The following NRDE2 variants were observed in gnomAD, a reference collection of about 807,000 sequenced individuals.
NRDE2 encodes NRDE-2, necessary for RNA interference, domain containing.
A neutral mutation model predicts 124.2 loss-of-function variants in NRDE2; 76 were observed. That is an observed-to-expected ratio of 0.61 (90% CI 0.51 to 0.74). The LOEUF (loss-of-function observed/expected upper bound fraction) is 0.74, where lower values mean the gene tolerates loss of function less well. Among genes scored for constraint, NRDE2 ranks in the 30% least tolerant of loss-of-function variants. The pLI is 0.00. For missense variants in NRDE2, 1,314 were observed against 1,417.3 expected (o/e 0.93, Z 1.17); for synonymous variants, 489 against 528.1 (o/e 0.93, Z 1.01).
intron 6 of NRDE2, chr14:90,301,642 G>A: frequency 2.2e-6 from 1 of 447,606 alleles, no homozygotes. Flanking sequence ...TAAGTCAAGA[G>A]GTTGGTCTGA....
chr14:90,319,932 G>A (rs1885183148), intron 1 of NRDE2, among the ~76,000 whole-genome samples: 1 of 152,194 alleles, frequency 6.6e-6, no homozygotes. Flanking sequence ...TACCATTTTA[G>A]ATTCCCAATA....
In NRDE2 at chr14:90,302,738, T is replaced by C; in HGVS notation, c.1393A>G (p.Thr465Ala). Residue 465 changes from threonine (T) to alanine (A), a missense_variant, in exon 6 of 14, where the codon ACG (threonine) becomes GCG (alanine). Coordinates refer to ENST00000354366, the MANE Select transcript of NRDE2 (RefSeq NM_017970.4). ...TCCTTACCAAACATGGCCTCTTCCGTGCCAGGCAACGCAGGGTGAGATAAG... is the reference window on the plus strand; with the variant it reads ...TCCTTACCAAACATGGCCTCTTCCGCGCCAGGCAACGCAGGGTGAGATAAG... ...SILSHPALPGTEEAMFALFLQ... is the reference protein window; with the variant it reads ...SILSHPALPGAEEAMFALFLQ... 1 of 1,610,380 alleles carries C rather than the reference T, an allele frequency of 6.2e-7. No individual in the cohort carries two copies. Among genetic ancestry groups the C allele is most frequent in the Non-Finnish European group, 8.5e-7 (1 of 1,177,792 alleles).
rs1401375991 is a variant in NRDE2, at chr14:90,274,832, A to ACT, written c.*3503_*3504insAG. 1 of 64,610 alleles carries ACT rather than the reference A, an allele frequency of 1.5e-5. No individual in the cohort carries two copies. The highest frequency in any genetic ancestry group is 3.3e-5 in the Non-Finnish European group (1 of 30,176). The allele number at this position is 64,610 out of a possible 1,614,324, so 4.0% of individuals were successfully genotyped here. On this transcript the variant is annotated 3_prime_UTR_variant, in exon 14 of 14. Transcript: ENST00000354366. ...CACACACACACACACACACACACAC[A>ACT]CACACACCCCAATACATATGAATTG... is the stretch of plus-strand genomic sequence containing the variant.
chr14:90,327,984 A>AT (rs1272991377), intron 1 of NRDE2, among the ~76,000 whole-genome samples: 2 of 152,174 alleles, frequency 1.3e-5, no homozygotes. Context: ...TCTACTAAAA[A>AT]TATAAAAAAT....
chr14:90,280,431 G>A (rs1891922403), intron 12 of NRDE2: 1 of 152,250 alleles, frequency 6.6e-6, no homozygotes, highest in African/African-American at 2.4e-5. Context: ...AAGAGCCACT[G>A]AGCGCTGTCC....
intron 8 of NRDE2, among the ~76,000 whole-genome samples, chr14:90,294,556 C>A (rs755552018): frequency 6.6e-6 from 1 of 152,156 alleles, no homozygotes; most frequent in Admixed American, 6.5e-5. Flanking sequence ...CCTGACGACA[C>A]TACGCTAAGC....
At chr14:90,323,406 C>T (rs1885310527) in intron 1 of NRDE2, among the ~76,000 whole-genome samples, 7 of 152,168 alleles carry the variant, frequency 4.6e-5, no homozygotes, top group Admixed American at 4.6e-4. Flanking sequence ...CCAAGTTCTA[C>T]ATCCATTCCC....
In NRDE2 at chr14:90,268,598, G is replaced by C; in HGVS notation, c.*9738C>G. On this transcript the variant is annotated 3_prime_UTR_variant, in exon 14 of 14. Coordinates refer to ENST00000354366, the MANE Select transcript of NRDE2 (RefSeq NM_017970.4). ...TAACAACTGCCCAGTAACTGTGAAC[G>C]TCTGGAGAGATTGGTCAGTTATGAA... 2 of 602,600 alleles carry C rather than the reference G, an allele frequency of 3.3e-6. No homozygotes were observed. The highest frequency in any genetic ancestry group is 4.1e-5 in the South Asian group (2 of 48,390). The allele number at this position is 602,600 out of a possible 1,614,324, so 37.3% of individuals were successfully genotyped here.
chr14:90,331,644 T>TAC (rs1885702908), intron 1 of NRDE2, among the ~76,000 whole-genome samples, 197 bp downstream of exon 1: 1 of 152,208 alleles, frequency 6.6e-6, no homozygotes. Context: ...TCCATAACTC[T>TAC]ACAACCTTGG....
rs1007856923 is a variant in NRDE2, at chr14:90,272,318, A to G, written c.*6018T>C. ...TCTGATGGCCTTAAGAGAACGTAGA[A>G]TGAAAGTAACAAATGAAGACTTCAA... On this transcript the variant is annotated 3_prime_UTR_variant, in exon 14 of 14. Coordinates refer to ENST00000354366, the MANE Select transcript of NRDE2 (RefSeq NM_017970.4). This position sits in a 1 kb window ranked among gnomAD's most constrained non-coding sequence, Gnocchi z 4.5. The G allele has an allele frequency of 6.2e-7, 1 of 1,604,832 alleles. No homozygotes were observed. Among genetic ancestry groups the G allele is most frequent in the African/African-American group, 1.3e-5 (1 of 74,332 alleles).
Position 90,268,464 on chromosome 14 carries a change from G to C in NRDE2, c.*9872C>G. The C allele has an allele frequency of 6.4e-7, 1 of 1,564,910 alleles. No individual in the cohort carries two copies. Among genetic ancestry groups the C allele is most frequent in the East Asian group, 2.2e-5 (1 of 44,490 alleles). On this transcript the variant is annotated 3_prime_UTR_variant, in exon 14 of 14. Transcript: ENST00000354366. Reference sequence around the variant, plus strand: ...CTTGTTTAGTAGGGAACACCGCATAGCTCTTCTCTTGAGAATGAGCAATCT... The same window carrying C: ...CTTGTTTAGTAGGGAACACCGCATACCTCTTCTCTTGAGAATGAGCAATCT...
In NRDE2 at chr14:90,268,240, C is replaced by T. The variant is rs1420219950; in HGVS notation, c.*10096G>A. ...CCAAAATAGGTAAAACCTTGTTAGCCAAAGCAGTAGCAAACCAAACCTCAG... is the reference window on the plus strand; with the variant it reads ...CCAAAATAGGTAAAACCTTGTTAGCTAAAGCAGTAGCAAACCAAACCTCAG... On this transcript the variant is annotated 3_prime_UTR_variant, in exon 14 of 14. Transcript: ENST00000354366. 1 of 1,585,622 alleles carries T rather than the reference C, an allele frequency of 6.3e-7. No individual in the cohort carries two copies. The highest frequency in any genetic ancestry group is 8.6e-7 in the Non-Finnish European group (1 of 1,169,490).
Position 90,276,245 on chromosome 14 carries a change from G to C in NRDE2, c.*2091C>G, listed in dbSNP as rs1250851097. 6.8e-6 allele frequency: 1 copy of C among 147,242 alleles called. No homozygotes were observed. The highest frequency in any genetic ancestry group is 2.5e-5 in the African/African-American group (1 of 39,522). 9.1% of individuals were successfully genotyped at this position (147,242 alleles called of 1,614,324 possible). A position where few individuals can be genotyped will look rare whatever the true frequency, so the allele number is the denominator to read the frequency against. ...TTTTTTTTTTTTTTTTCGAGACGGAGTCTTGCTGTGTCGCCCAGGCTGGAG... is the reference window on the plus strand; with the variant it reads ...TTTTTTTTTTTTTTTTCGAGACGGACTCTTGCTGTGTCGCCCAGGCTGGAG... On this transcript the variant is annotated 3_prime_UTR_variant, in exon 14 of 14. Coordinates refer to ENST00000354366, the MANE Select transcript of NRDE2 (RefSeq NM_017970.4).
chr14:90,312,758 C>T (rs1314969107), intron 3 of NRDE2, among the ~76,000 whole-genome samples: 2 of 152,160 alleles, frequency 1.3e-5, no homozygotes, highest in Admixed American at 6.5e-5. Flanking sequence ...CCTGTCACCA[C>T]TAAATGACAC....
intron 10 of NRDE2, 151 bp downstream of exon 10, chr14:90,290,070 G>C: frequency 1.3e-6 from 1 of 780,776 alleles, no homozygotes; most frequent in East Asian, 2.7e-5. Context: ...CCTCAGAAGG[G>C]CAAACACACA....
At chr14:90,317,900 T>A in intron 2 of NRDE2, 105 bp downstream of exon 2, 1 of 728,844 alleles carries the variant, frequency 1.4e-6, no homozygotes, top group Non-Finnish European at 2.3e-6. Flanking sequence ...TAAGTAAGAG[T>A]TTTACATACC....
intron 1 of NRDE2, among the ~76,000 whole-genome samples, chr14:90,325,633 C>T (rs372671170): frequency 1.3e-5 from 2 of 152,160 alleles, no homozygotes; most frequent in African/African-American, 4.8e-5. Context: ...TCAAGCAATC[C>T]TCCCACCTCA....
intron 1 of NRDE2, among the ~76,000 whole-genome samples, chr14:90,321,694 T>C (rs866912981): frequency 6.6e-6 from 1 of 152,162 alleles, no homozygotes; most frequent in African/African-American, 2.4e-5. Flanking sequence ...CAAGAAGCTC[T>C]GTTTTGCTTT....
At chr14:90,320,567 T>C (rs909784185) in intron 1 of NRDE2, among the ~76,000 whole-genome samples, 2 of 152,214 alleles carry the variant, frequency 1.3e-5, no homozygotes, top group Non-Finnish European at 2.9e-5. Flanking sequence ...ATGGAGGAGA[T>C]ACCATAATGT....
Sources: allele counts gnomAD v4.1 joint callset (sites outside exome capture counted in the v4.1 genomes callset), GRCh38; gene constraint gnomAD v4.1.1; non-coding constraint Gnocchi (gnomAD v3.1); transcripts MANE v1.5; gene names NCBI Gene and HGNC (gene_info 2026-07-23, HGNC 2026-07-21).